TAFA2: variants seen among roughly 807,000 people sequenced by gnomAD.
TAFA2 encodes the protein chemokine-like protein TAFA-2.
A neutral mutation model predicts 18.8 loss-of-function variants in TAFA2; 7 were observed. The ratio of observed to expected loss-of-function variants is 0.37; its 90% CI spans 0.21 to 0.70. TAFA2 has a LOEUF of 0.70. Ranked by LOEUF, TAFA2 falls within the 30% of genes least tolerant of loss-of-function variation. TAFA2 has a pLI of 0.53. For missense variants in TAFA2, 122 were observed against 158.1 expected, an observed-to-expected ratio of 0.77 and a Z score of 1.23; for synonymous variants, 60 against 54.2, an observed-to-expected ratio of 1.11 and a Z score of -0.47.
intron 4 of TAFA2, among the ~76,000 whole-genome samples, chr12:61,731,979 T>G (rs529214670): frequency 1.3e-5 from 2 of 152,270 alleles, no homozygotes; most frequent in African/African-American, 4.8e-5. Flanking sequence ...TGTGGAACTA[T>G]CTACAGAGGC....
chr12:61,943,540 T>C (rs1479029430), intron 1 of TAFA2, among the ~76,000 whole-genome samples: 1 of 146,840 alleles, frequency 6.8e-6, no homozygotes, highest in East Asian at 2.1e-4. Flanking sequence ...CCCATCAGTG[T>C]GCTGTATTCA....
At chr12:62,129,676 A>C (rs1555192621) in intron 1 of TAFA2, among the ~76,000 whole-genome samples, 1 of 152,022 alleles carries the variant, frequency 6.6e-6, no homozygotes, top group Non-Finnish European at 1.5e-5. Context: ...ATTCAGAACT[A>C]CTGACATTTT....
chr12:62,224,568 C>A (rs143177592), intron 1 of TAFA2, among the ~76,000 whole-genome samples: 1 of 152,082 alleles, frequency 6.6e-6, no homozygotes, highest in African/African-American at 2.4e-5. Flanking sequence ...TGCCTCACCC[C>A]CTAATACCAT....
intron 4 of TAFA2, among the ~76,000 whole-genome samples, chr12:61,728,139 C>G (rs1298581250): frequency 6.6e-6 from 1 of 151,164 alleles, no homozygotes; most frequent in Non-Finnish European, 1.5e-5. Flanking sequence ...GTTTTGTGGC[C>G]TATCATATGG....
chr12:61,897,612 C>A (rs540082337), intron 1 of TAFA2, among the ~76,000 whole-genome samples: 1 of 152,066 alleles, frequency 6.6e-6, no homozygotes, highest in Non-Finnish European at 1.5e-5. Flanking sequence ...TGAGAACTCA[C>A]TCACTATCAC....
intron 4 of TAFA2, among the ~76,000 whole-genome samples, chr12:61,748,244 G>A (rs1868828449): frequency 6.6e-6 from 1 of 152,118 alleles, no homozygotes; most frequent in African/African-American, 2.4e-5. Flanking sequence ...TATGCATGTT[G>A]TGTGTGTAGT....
At chr12:62,081,953 AC>A (rs1868332134) in intron 1 of TAFA2, among the ~76,000 whole-genome samples, 1 of 108,548 alleles carries the variant, frequency 9.2e-6, no homozygotes, top group Non-Finnish European at 1.9e-5. Context: ...CCTCCTCCCC[AC>A]CCCCGACAGG....
chr12:62,188,410 A>C (rs2062600035), intron 1 of TAFA2, among the ~76,000 whole-genome samples: 1 of 152,178 alleles, frequency 6.6e-6, no homozygotes, highest in Non-Finnish European at 1.5e-5. Flanking sequence ...CATCTTTTCA[A>C]ATATATTAGA....
At chr12:61,942,001 G>A (rs1394203189) in intron 1 of TAFA2, among the ~76,000 whole-genome samples, 1 of 151,812 alleles carries the variant, frequency 6.6e-6, no homozygotes, top group African/African-American at 2.4e-5. Context: ...CTGGGGGCAG[G>A]GCACAGACAA....
At chr12:61,720,857 C>T in intron 4 of TAFA2, 1 of 508,222 alleles carries the variant, frequency 2.0e-6, no homozygotes, top group South Asian at 1.4e-5. Flanking sequence ...CAAAAATTGT[C>T]ATCAGGCACA....
chr12:62,084,596 C>T (rs1333643569), intron 1 of TAFA2, among the ~76,000 whole-genome samples: 1 of 152,106 alleles, frequency 6.6e-6, no homozygotes, highest in South Asian at 2.1e-4. Flanking sequence ...CCTCCAGGGG[C>T]TCATTCACGT....
At chr12:62,024,795 CA>C (rs1481718364) in intron 1 of TAFA2, among the ~76,000 whole-genome samples, 1 of 151,792 alleles carries the variant, frequency 6.6e-6, no homozygotes, top group Non-Finnish European at 1.5e-5. Context: ...AAAAAATGAG[CA>C]AAAGACATGA....
chr12:62,244,369 AAC>A (rs1169413367), intron 1 of TAFA2, among the ~76,000 whole-genome samples: 1 of 151,956 alleles, frequency 6.6e-6, no homozygotes, highest in Non-Finnish European at 1.5e-5. Flanking sequence ...CTATTTTAAT[AAC>A]ACTGCATCAA....
chr12:61,841,977 C>T (rs1233752506), intron 2 of TAFA2, among the ~76,000 whole-genome samples: 4 of 151,884 alleles, frequency 2.6e-5, no homozygotes, highest in African/African-American at 4.8e-5. Flanking sequence ...CCAGACAAAC[C>T]GTCATGATTG....
chr12:62,028,642 C>T (rs1212180787), intron 1 of TAFA2, among the ~76,000 whole-genome samples: 1 of 152,128 alleles, frequency 6.6e-6, no homozygotes, highest in Non-Finnish European at 1.5e-5. Flanking sequence ...AAATAACTAT[C>T]CTAAGTTTCC....
chr12:61,869,465 C>G (rs955277968), intron 1 of TAFA2, among the ~76,000 whole-genome samples: 22 of 152,266 alleles, frequency 1.4e-4, no homozygotes, highest in South Asian at 4.1e-4. Flanking sequence ...CCTAAATTCA[C>G]TCTGTGAGGC....
At chr12:61,985,185 T>G (rs1319406110) in intron 1 of TAFA2, among the ~76,000 whole-genome samples, 1 of 152,212 alleles carries the variant, frequency 6.6e-6, no homozygotes, top group East Asian at 1.9e-4. Flanking sequence ...TAGGGACTCA[T>G]ACACCAAGAT....
intron 1 of TAFA2, among the ~76,000 whole-genome samples, chr12:62,185,479 T>C (rs1565773695): frequency 2.0e-5 from 3 of 152,234 alleles, no homozygotes. Flanking sequence ...CAAGACCAGT[T>C]CACAGCTACT....
At chr12:61,982,414 T>A (rs1879667448) in intron 1 of TAFA2, among the ~76,000 whole-genome samples, 2 of 152,132 alleles carry the variant, frequency 1.3e-5, no homozygotes, top group Admixed American at 1.3e-4. Context: ...GTTGTGCACA[T>A]GTACCCTAGA....
Sources: allele counts gnomAD v4.1 joint callset (sites outside exome capture counted in the v4.1 genomes callset), GRCh38; gene constraint gnomAD v4.1.1; transcripts MANE v1.5; gene names NCBI Gene and HGNC (gene_info 2026-07-23, HGNC 2026-07-21).